Variants in PPP1R1C observed in about 807,000 individuals in gnomAD.
The protein encoded by PPP1R1C is protein phosphatase 1 regulatory inhibitor subunit 1C, also known as protein phosphatase 1 regulatory subunit 1C.
Under a neutral mutation model 17.4 loss-of-function variants are expected in PPP1R1C, and 15 were observed. That is an observed-to-expected ratio of 0.86 (90% confidence interval 0.58 to 1.33). The LOEUF (loss-of-function observed/expected upper bound fraction) is 1.33. PPP1R1C is among the 40% of genes most tolerant of loss of function. The pLI, the probability that PPP1R1C is intolerant of heterozygous loss-of-function variation, is 0.00. For synonymous variants in PPP1R1C, 35 were observed against 43.1 expected, an observed-to-expected ratio of 0.81 and a Z score of 0.73; for missense variants, 143 against 130.0, an observed-to-expected ratio of 1.10 and a Z score of -0.48.
At chr2:182,078,647 A>G (rs1378422997) in intron 4 of PPP1R1C, among the ~76,000 whole-genome samples, 1 of 152,252 alleles carries the variant, frequency 6.6e-6, no homozygotes, top group Non-Finnish European at 1.5e-5. Context: ...GAACTGGAGT[A>G]GGAGAAACGT....
chr2:181,997,127 G>T (rs1685635117), intron 2 of PPP1R1C, among the ~76,000 whole-genome samples: 2 of 151,916 alleles, frequency 1.3e-5, no homozygotes, highest in African/African-American at 2.4e-5. Flanking sequence ...TACTCCGGAG[G>T]CTGAGGCAGG....
At chr2:182,009,530 C>T (rs1468086574) in intron 2 of PPP1R1C, among the ~76,000 whole-genome samples, 3 of 151,988 alleles carry the variant, frequency 2.0e-5, no homozygotes, top group African/African-American at 4.8e-5. Context: ...GTTATTATCC[C>T]TTTGTCATAT....
chr2:182,030,252 G>T (rs1345166437), intron 2 of PPP1R1C, among the ~76,000 whole-genome samples: 1 of 152,198 alleles, frequency 6.6e-6, no homozygotes, highest in East Asian at 1.9e-4. Context: ...TCCATTGCTG[G>T]TGAAGAACTG....
intron 1 of PPP1R1C, among the ~76,000 whole-genome samples, chr2:181,963,598 T>C (rs1034013990): frequency 2.0e-5 from 3 of 152,146 alleles, no homozygotes; most frequent in Non-Finnish European, 2.9e-5. Context: ...TGAGCCAAGA[T>C]TGGGCCACTG....
chr2:182,107,751 C>A (rs1003794477), intron 4 of PPP1R1C, among the ~76,000 whole-genome samples: 2 of 152,096 alleles, frequency 1.3e-5, no homozygotes, highest in Admixed American at 6.6e-5. Flanking sequence ...CCAGCACATC[C>A]TCCTCTTTCT....
intron 5 of PPP1R1C, among the ~76,000 whole-genome samples, chr2:182,124,316 TTTTTTTTTTTG>T (rs1455697215): frequency 2.8e-4 from 21 of 76,278 alleles, no homozygotes; most frequent in South Asian, 2.5e-3. Flanking sequence ...TTTTTTTTGT[TTTTTTTTTTTG>T]TTTTTTTTTT....
chr2:181,984,092 T>A (rs192279152), upstream of PPP1R1C, among the ~76,000 whole-genome samples: 1 of 152,346 alleles, frequency 6.6e-6, no homozygotes, highest in African/African-American at 2.4e-5. Context: ...TAGATATTCT[T>A]AGTGATTCTG....
In PPP1R1C at chr2:181,962,514, G is replaced by T; in HGVS notation, n.111+7880G>T. 6 of 642,470 alleles carry T rather than the reference G, an allele frequency of 9.3e-6. No homozygotes were observed. The South Asian group carries it at 9.9e-5, about 11-fold the overall frequency. The allele number at this position is 642,470 out of a possible 1,614,324, so 39.8% of individuals were successfully genotyped here. A position where few individuals can be genotyped will look rare whatever the true frequency, so the allele number is the denominator to read the frequency against. ...GAGGAGAGTGAGAGGACAGGACTCA[G>T]GCTTTGCCGACCCGTCATAGCAGTT... On this transcript the variant is annotated intron_variant and non_coding_transcript_variant, in intron 1 of 5. Transcript: ENST00000464264. The surrounding 1 kb of genome is among the most constrained non-coding windows in gnomAD (Gnocchi z 6.0).
At chr2:182,035,340 CTATT>C (rs1202288529) in intron 2 of PPP1R1C, among the ~76,000 whole-genome samples, 6 of 152,294 alleles carry the variant, frequency 3.9e-5, no homozygotes, top group African/African-American at 1.2e-4. Context: ...CTTTTAGTAA[CTATT>C]TAATTCTCAA....
intron 4 of PPP1R1C, among the ~76,000 whole-genome samples, chr2:182,083,364 A>G (rs1448777904): frequency 1.3e-5 from 2 of 152,132 alleles, no homozygotes; most frequent in Non-Finnish European, 2.9e-5. Flanking sequence ...AGTGCTGTAT[A>G]TTGTAACTGA....
intron 2 of PPP1R1C, among the ~76,000 whole-genome samples, chr2:182,038,878 A>AT (rs1687095879): frequency 6.6e-6 from 1 of 152,168 alleles, no homozygotes. Context: ...AGGCAGGTAG[A>AT]TTTTAGCTTA....
chr2:182,094,373 C>T (rs2125223294), intron 4 of PPP1R1C, among the ~76,000 whole-genome samples: 1 of 152,276 alleles, frequency 6.6e-6, no homozygotes. Flanking sequence ...GAACACAGAG[C>T]CATACCATAT....
chr2:181,955,438 C>T (rs894060739), intron 1 of PPP1R1C, among the ~76,000 whole-genome samples: 3 of 152,128 alleles, frequency 2.0e-5, no homozygotes, highest in Admixed American at 6.6e-5. Context: ...ATGTAATTAT[C>T]GTTTCCCTTT....
intron 4 of PPP1R1C, among the ~76,000 whole-genome samples, chr2:182,111,175 A>G (rs1689406215): frequency 6.6e-6 from 1 of 152,206 alleles, no homozygotes; most frequent in Non-Finnish European, 1.5e-5. Flanking sequence ...ATTTACTGCT[A>G]AACCTTTTAT....
At chr2:181,965,895 G>A (rs1161693641) in intron 1 of PPP1R1C, among the ~76,000 whole-genome samples, 2 of 152,132 alleles carry the variant, frequency 1.3e-5, no homozygotes, top group African/African-American at 2.4e-5. Flanking sequence ...GCTTTAGGGA[G>A]TATGGACATT....
chr2:181,967,431 A>C lies in PPP1R1C; in HGVS notation n.112-7788A>C, dbSNP rs1203103128. Among the ~76,000 whole-genome samples the C allele has an allele frequency of 6.6e-6, 1 of 151,908 alleles. No homozygotes were observed. Among genetic ancestry groups the C allele is most frequent in the Non-Finnish European group, 1.5e-5 (1 of 67,982 alleles). The stretch of plus-strand genomic sequence containing the variant: ...TTCCACTTTGTTGATGTGGGTGCTT[A>C]TTGCTATAAACTTTCTTCTTAGTAC... On this transcript the variant is annotated intron_variant and non_coding_transcript_variant, in intron 1 of 5. Coordinates refer to the PPP1R1C transcript ENST00000464264. This position sits in a 1 kb window ranked among gnomAD's most constrained non-coding sequence, Gnocchi z 5.5.
At chr2:182,075,275 A>G (rs762796046) in intron 4 of PPP1R1C, among the ~76,000 whole-genome samples, 1 of 152,208 alleles carries the variant, frequency 6.6e-6, no homozygotes, top group Admixed American at 6.5e-5. Context: ...AGGCGATCTT[A>G]GGAAAAGATT....
intron 4 of PPP1R1C, among the ~76,000 whole-genome samples, chr2:182,088,442 A>G (rs778971398): frequency 6.6e-6 from 1 of 152,178 alleles, no homozygotes; most frequent in African/African-American, 2.4e-5. Context: ...ACTAGTAACC[A>G]TTGTTGGATA....
chr2:182,031,860 T>G (rs1439707533), intron 2 of PPP1R1C, among the ~76,000 whole-genome samples: 1 of 152,222 alleles, frequency 6.6e-6, no homozygotes, highest in African/African-American at 2.4e-5. Flanking sequence ...AAAAAAAGAT[T>G]GATATTCACT....
Sources: gnomAD v4.1 joint callset for allele counts (sites outside exome capture counted in the v4.1 genomes callset) on GRCh38, gnomAD v4.1.1 for gene constraint, Gnocchi (gnomAD v3.1) non-coding constraint, MANE v1.5 for transcripts, NCBI Gene and HGNC (gene_info 2026-07-23, HGNC 2026-07-21) for gene names.